PKP1: variants seen among roughly 807,000 people sequenced by gnomAD.
PKP1 encodes plakophilin-1.
PKP1 carries 27 observed loss-of-function variants against 76.4 expected under a neutral mutation model. That is an observed-to-expected ratio of 0.35 (90% CI 0.26 to 0.49). The LOEUF is 0.49. PKP1 is among the 20% of genes least tolerant of loss of function. The pLI is 0.99. For synonymous variants in PKP1, 404 were observed against 384.2 expected (o/e 1.05, Z -0.60); for missense variants, 964 against 955.2 (o/e 1.01, Z -0.12).
rs200543396 is a variant in PKP1, at chr1:201,322,175, AC to A, written c.1503+49del. On this transcript the variant is annotated intron_variant, in intron 8 of 13. Transcript: ENST00000367324. Reference sequence around the variant, plus strand: ...CAGGGCGGGGCCTGCCCCATCAAGCACCCCCCCAGGAGCCACTGCCTCATCT... The same window carrying A: ...CAGGGCGGGGCCTGCCCCATCAAGCACCCCCCAGGAGCCACTGCCTCATCT... 1.4e-3 allele frequency: 2,182 copies of A among 1,594,052 alleles called. 30 individuals are homozygous for A. In the African/African-American group the frequency reaches 0.025, roughly 18 times the overall value.
At position 201,316,686 on chromosome 1, in the gene PKP1, G is replaced by A; in HGVS notation, c.835G>A (p.Ala279Thr). Reference protein sequence around the residue: ...IQHTCFQDESAKQQVYQLGGI... With the variant: ...IQHTCFQDESTKQQVYQLGGI... ...GCATACCTGCTTCCAGGATGAATCT[G>A]CCAAGCAACAGGTAGCTGGTTGCAT... The change falls in exon 4 of 14, where the codon GCC (alanine) becomes ACC (threonine). Residue 279 changes from alanine to threonine, a missense_variant. Coordinates refer to ENST00000367324, the MANE Select transcript of PKP1 (RefSeq NM_001005337.3). 6.2e-7 allele frequency: 1 copy of A among 1,613,876 alleles called. No individual in the cohort carries two copies.
rs569836518 is a variant in PKP1, at chr1:201,331,843, C to T, written c.*1802C>T. On this transcript the variant is annotated 3_prime_UTR_variant, in exon 14 of 14. Transcript: ENST00000367324. ...CCTTGCTTCTGTTCACACTGGGAGG[C>T]CCACTCCTGGCTCACCTCTCCCTCT... The T allele has an allele frequency of 2.2e-4, 33 of 152,488 alleles. No individual in the cohort carries two copies. The highest frequency in any genetic ancestry group is 4.3e-4 in the Non-Finnish European group (29 of 68,176). 9.4% of individuals were successfully genotyped at this position (152,488 alleles called of 1,614,324 possible). A position where few individuals can be genotyped will look rare whatever the true frequency, so the allele number is the denominator to read the frequency against.
Position 201,316,647 on chromosome 1 carries a change from G to T in PKP1, c.796G>T (p.Ala266Ser), listed in dbSNP as rs765102835. 1 of 1,613,630 alleles carries T rather than the reference G, an allele frequency of 6.2e-7. No individual in the cohort carries two copies. Reference sequence around the variant, plus strand: ...GGATGAGAAGTACCAGGCCATTGGGGCCTATTACATCCAGCATACCTGCTT... The same window carrying T: ...GGATGAGAAGTACCAGGCCATTGGGTCCTATTACATCCAGCATACCTGCTT... ...SQDEKYQAIG[A>S]YYIQHTCFQD... Residue 266 changes from alanine to serine, a missense_variant, in exon 4 of 14, where the codon GCC becomes TCC. Physicochemically the swap from Ala to Ser is moderately conservative, Grantham distance 99 (BLOSUM62 1). Transcript: ENST00000367324.
intron 2 of PKP1, among the ~76,000 whole-genome samples, chr1:201,304,590 A>G (rs1004833595): frequency 2.0e-5 from 3 of 152,156 alleles, no homozygotes; most frequent in Admixed American, 6.5e-5. Flanking sequence ...AGAACCTCCC[A>G]CAGTTGGCTC....
rs1655637495 is a variant in PKP1 at position 201,283,643 on chromosome 1, C to T, written c.-60C>T. 3 of 1,451,656 alleles carry T rather than the reference C, an allele frequency of 2.1e-6. No individual in the cohort carries two copies. Among genetic ancestry groups the T allele is most frequent in the Non-Finnish European group, 2.9e-6 (3 of 1,047,286 alleles). 89.9% of individuals were successfully genotyped at this position (1,451,656 alleles called of 1,614,324 possible). On this transcript the variant is annotated 5_prime_UTR_variant, in exon 1 of 14. Coordinates refer to ENST00000367324, the MANE Select transcript of PKP1 (RefSeq NM_001005337.3). The stretch of plus-strand genomic sequence containing the variant: ...GCTCCTGCCCGCCCGCTGCACCGCA[C>T]CTCGCCTCGCCTCTCTGCTCTCCTA...
Position 201,283,697 on chromosome 1 carries a change from G to C in PKP1, c.-6G>C, listed in dbSNP as rs1655640470. On this transcript the variant is annotated 5_prime_UTR_variant, in exon 1 of 14. Transcript: ENST00000367324. ...CCCGGCCGCGCGCCACCCGCCTCCC[G>C]CCACCATGAACCACTCGCCGCTCAA... 3.1e-6 allele frequency: 5 copies of C among 1,612,654 alleles called. No homozygotes were observed. Among genetic ancestry groups the C allele is most frequent in the Non-Finnish European group, 8.5e-7 (1 of 1,179,220 alleles).
At chr1:201,320,540 G>A (rs1319179693) in intron 7 of PKP1, among the ~76,000 whole-genome samples, 159 bp downstream of exon 7, 1 of 152,288 alleles carries the variant, frequency 6.6e-6, no homozygotes, top group East Asian at 1.9e-4. Flanking sequence ...ACAGGAGTGG[G>A]CTCTGGGGAC....
chr1:201,329,175 G>A (rs1657236259), intron 13 of PKP1, among the ~76,000 whole-genome samples: 1 of 152,206 alleles, frequency 6.6e-6, no homozygotes, highest in Non-Finnish European at 1.5e-5. Flanking sequence ...ATGGACTACA[G>A]TGAGTTCTAC....
chr1:201,288,431 C>G (rs1655801115), intron 1 of PKP1, among the ~76,000 whole-genome samples: 1 of 152,174 alleles, frequency 6.6e-6, no homozygotes, highest in Non-Finnish European at 1.5e-5. Context: ...TTTCAAACAA[C>G]ACAAATGCGT....
In PKP1 at chr1:201,309,818, TG is replaced by T. The variant is rs529890798; in HGVS notation, c.307-3344del. Among the ~76,000 whole-genome samples the T allele has an allele frequency of 1.9e-3, 285 of 152,302 alleles. 1 individual carries two copies. The highest frequency in any genetic ancestry group is 5.9e-3 in the Admixed American group (91 of 15,302). On this transcript the variant is annotated intron_variant, in intron 2 of 13. Transcript: ENST00000367324. ...TTACTAGCATTTAGAACCTGGAGGC[TG>T]GGGCACTAAACATCCTGCCATGCTT...
intron 2 of PKP1, among the ~76,000 whole-genome samples, chr1:201,311,318 G>A (rs972482689): frequency 6.6e-6 from 1 of 152,196 alleles, no homozygotes; most frequent in African/African-American, 2.4e-5. Context: ...CCCATGCCTT[G>A]TGATTGTCCA....
At chr1:201,323,857 A>T (rs1483047562) in intron 9 of PKP1, among the ~76,000 whole-genome samples, 3 of 152,094 alleles carry the variant, frequency 2.0e-5, no homozygotes, top group Admixed American at 6.5e-5. Flanking sequence ...TGTTACACCC[A>T]GGATAGCTAT....
At chr1:201,284,012 G>A (rs1558180393) in intron 1 of PKP1, 108 bp downstream of exon 1, 1 of 1,029,094 alleles carries the variant, frequency 9.7e-7, no homozygotes, top group Non-Finnish European at 1.5e-6. Flanking sequence ...GGAGGCGAGG[G>A]GCTGCCGGCC....
rs374792525 is a variant in PKP1, at chr1:201,319,758, G to C, written c.1233-509G>C. The C allele has an allele frequency of 5.7e-6, 9 of 1,582,342 alleles. No individual in the cohort carries two copies. The Admixed American group carries it at 1.5e-4, about 26-fold the overall frequency. On this transcript the variant is annotated intron_variant, in intron 6 of 13. Coordinates refer to ENST00000367324, the MANE Select transcript of PKP1 (RefSeq NM_001005337.3). Reference sequence around the variant, plus strand: ...AGAGGGAGCTTCTGGTGCCCAGCCCGGCCACCCCCAGATCCACTTCTGATC... The same window carrying C: ...AGAGGGAGCTTCTGGTGCCCAGCCCCGCCACCCCCAGATCCACTTCTGATC...
At chr1:201,315,317 T>C (rs1656690979) in intron 3 of PKP1, among the ~76,000 whole-genome samples, 1 of 152,228 alleles carries the variant, frequency 6.6e-6, no homozygotes, top group Non-Finnish European at 1.5e-5. Flanking sequence ...GCCAGAGAAC[T>C]CTGCACCTCG....
At chr1:201,319,998 C>G in intron 6 of PKP1, 1 of 1,131,696 alleles carries the variant, frequency 8.8e-7, no homozygotes, top group Non-Finnish European at 1.3e-6. Context: ...CTCATTTCAG[C>G]CTCAGCCAGG....
chr1:201,288,548 C>A (rs1434635669), intron 1 of PKP1, among the ~76,000 whole-genome samples: 2 of 152,168 alleles, frequency 1.3e-5, no homozygotes, highest in East Asian at 1.9e-4. Context: ...GTTGGAGAAC[C>A]ACTGTTCTAG....
At chr1:201,317,878 C>A in intron 5 of PKP1, 99 bp downstream of exon 5, 1 of 1,151,512 alleles carries the variant, frequency 8.7e-7, no homozygotes, top group Non-Finnish European at 1.3e-6. Flanking sequence ...CAGGCTGGGC[C>A]AAGACACAGC....
In PKP1 at chr1:201,283,700, A is replaced by C; in HGVS notation, c.-3A>C. 1 of 1,613,094 alleles carries C rather than the reference A, an allele frequency of 6.2e-7. No individual in the cohort carries two copies. The highest frequency in any genetic ancestry group is 8.5e-7 in the Non-Finnish European group (1 of 1,179,462). On this transcript the variant is annotated 5_prime_UTR_variant, in exon 1 of 14. Transcript: ENST00000367324. ...GGCCGCGCGCCACCCGCCTCCCGCC[A>C]CCATGAACCACTCGCCGCTCAAGAC...
Sources: allele counts gnomAD v4.1 joint callset (sites outside exome capture counted in the v4.1 genomes callset), GRCh38; gene constraint gnomAD v4.1.1; transcripts MANE v1.5; gene names NCBI Gene and HGNC (gene_info 2026-07-23, HGNC 2026-07-21).